NOD2: variants seen among roughly 807,000 people sequenced by gnomAD.
NOD2 encodes the protein nucleotide binding oligomerization domain containing 2, also known as nucleotide-binding oligomerization domain-containing protein 2.
In NOD2, 86 loss-of-function variants were observed where a neutral mutation model predicts 90.9. That is an observed-to-expected ratio of 0.95 (90% confidence interval 0.79 to 1.13). The LOEUF is 1.13. Ranked by LOEUF, NOD2 falls within the 50% of genes most tolerant of loss-of-function variation. The pLI is 0.00. For synonymous variants in NOD2, 581 were observed against 554.6 expected (o/e 1.05, Z -0.67); for missense variants, 1,238 against 1,283.8 (o/e 0.96, Z 0.55).
intron 1 of NOD2, among the ~76,000 whole-genome samples, chr16:50,698,301 C>T (rs1486395230): frequency 2.0e-5 from 3 of 152,168 alleles, no homozygotes; most frequent in Admixed American, 6.5e-5. Flanking sequence ...ATTCCCAGAA[C>T]GCACAGCAGG....
intron 10 of NOD2, among the ~76,000 whole-genome samples, chr16:50,725,817 A>G (rs2150837305): frequency 6.6e-6 from 1 of 152,212 alleles, no homozygotes; most frequent in Middle Eastern, 3.4e-3. Context: ...AATAAAGGGG[A>G]GTTATCAAGC....
At chr16:50,728,926 G>A (rs904489820) in intron 10 of NOD2, 1 of 152,884 alleles carries the variant, frequency 6.5e-6, no homozygotes, top group East Asian at 1.9e-4. Flanking sequence ...TATCAATTAA[G>A]TACTGTATTA....
At chr16:50,709,153 G>C (rs147998582) in intron 3 of NOD2, among the ~76,000 whole-genome samples, 15 of 152,232 alleles carry the variant, frequency 9.9e-5, no homozygotes, top group African/African-American at 3.1e-4. Flanking sequence ...GTACTGGAGA[G>C]GAAGATATCT....
intron 3 of NOD2, among the ~76,000 whole-genome samples, chr16:50,709,369 A>G (rs1374310639): frequency 1.3e-5 from 2 of 152,160 alleles, no homozygotes; most frequent in African/African-American, 4.8e-5. Flanking sequence ...GGTTGGGGGC[A>G]GTGAGGCTGT....
intron 10 of NOD2, among the ~76,000 whole-genome samples, chr16:50,726,839 G>A (rs968690727): frequency 6.6e-6 from 1 of 152,216 alleles, no homozygotes; most frequent in African/African-American, 2.4e-5. Flanking sequence ...TCTGCCAAGA[G>A]TTGGTTGAGA....
intron 6 of NOD2, among the ~76,000 whole-genome samples, chr16:50,718,716 C>G (rs542743620): frequency 6.6e-6 from 1 of 152,318 alleles, no homozygotes; most frequent in South Asian, 2.1e-4. Context: ...GGCTACCTCA[C>G]AGGCTGTAGT....
At position 50,699,470 on chromosome 16, in the gene NOD2, C is replaced by A; in HGVS notation, c.-8-18C>A. The A allele has an allele frequency of 6.2e-7, 1 of 1,610,052 alleles. No homozygotes were observed. Among genetic ancestry groups the A allele is most frequent in the Non-Finnish European group, 8.5e-7 (1 of 1,177,840 alleles). ...GGCTTCTGGAGAAGTCCCGCACTGA[C>A]CTTGTTCTCCTCCCCAGGTTGTGAA... On this transcript the variant is annotated intron_variant, in intron 1 of 11. Coordinates refer to ENST00000647318, the MANE Select transcript of NOD2 (RefSeq NM_001370466.1).
At position 50,719,893 on chromosome 16, in the gene NOD2, GTT is replaced by G. The variant is rs1596892616; in HGVS notation, c.2550-31_2550-30del. 31 of 1,600,768 alleles carry G rather than the reference GTT, an allele frequency of 1.9e-5. No individual in the cohort carries two copies. In the East Asian group the frequency reaches 6.9e-4, roughly 36 times the overall value. On this transcript the variant is annotated intron_variant, in intron 6 of 11. Coordinates refer to ENST00000647318, the MANE Select transcript of NOD2 (RefSeq NM_001370466.1). The stretch of plus-strand genomic sequence containing the variant: ...GCCCTCCTTTTCTGCCTGCCGCTGT[GTT>G]CTCTCAGCCTCCTCTGTCTTCCCTT...
intron 11 of NOD2, among the ~76,000 whole-genome samples, chr16:50,731,314 T>C (rs989189159): frequency 6.6e-6 from 1 of 152,208 alleles, no homozygotes; most frequent in African/African-American, 2.4e-5. Flanking sequence ...TTTGAAACCA[T>C]TGCACAGTCC....
intron 6 of NOD2, among the ~76,000 whole-genome samples, chr16:50,718,085 G>A (rs1404902805): frequency 6.6e-6 from 1 of 152,244 alleles, no homozygotes; most frequent in Non-Finnish European, 1.5e-5. Flanking sequence ...CTATGTGAAT[G>A]TGGACTCTCT....
intron 3 of NOD2, chr16:50,709,986 G>A (rs1360409782): frequency 2.2e-6 from 1 of 456,056 alleles, no homozygotes; most frequent in Non-Finnish European, 4.4e-6. Context: ...GCTTGCCCAA[G>A]TGTATGGTGG....
intron 1 of NOD2, among the ~76,000 whole-genome samples, chr16:50,699,280 C>T (rs968116926): frequency 6.6e-6 from 1 of 152,092 alleles, no homozygotes; most frequent in Non-Finnish European, 1.5e-5. Flanking sequence ...TTGGTTGCTT[C>T]AAACTCTGTG....
chr16:50,728,567 A>G (rs945661293), intron 10 of NOD2: 2 of 157,386 alleles, frequency 1.3e-5, no homozygotes, highest in Non-Finnish European at 2.8e-5. Context: ...AATGTATTCC[A>G]ATATCAAATG....
In NOD2 at chr16:50,699,540, C is replaced by T. The variant is rs766815592; in HGVS notation, c.45C>T (p.Val15=). 56 of 1,613,776 alleles carry T rather than the reference C, an allele frequency of 3.5e-5. No individual in the cohort carries two copies. The Admixed American group carries it at 3.8e-4, about 11-fold the overall frequency. The change falls in exon 2 of 12, where the codon GTC becomes GTT. Residue 15 remains valine, a synonymous_variant. Transcript: ENST00000647318. ...TTCAGGCACAGAGGAGCCAGCTGGT[C>T]GAGCTGCTGGTCTCAGGGTCCCTGG... is the stretch of plus-strand genomic sequence containing the variant. The part of the protein sequence containing the change: ...EAFQAQRSQL[V]ELLVSGSLEG...
intron 8 of NOD2, 120 bp downstream of exon 8, chr16:50,722,825 T>A: frequency 2.1e-6 from 2 of 942,496 alleles, no homozygotes; most frequent in Admixed American, 1.8e-5. Context: ...GGCAATGGAG[T>A]AAGGAAAAAA....
At chr16:50,729,944 G>T in intron 11 of NOD2, 43 bp downstream of exon 11, 1 of 1,457,062 alleles carries the variant, frequency 6.9e-7, no homozygotes, top group Middle Eastern at 1.8e-4. Context: ...CCGAACCTCA[G>T]TTTTTCTATC....
At chr16:50,703,389 C>G (rs566714527) in intron 2 of NOD2, among the ~76,000 whole-genome samples, 1 of 152,274 alleles carries the variant, frequency 6.6e-6, no homozygotes, top group African/African-American at 2.4e-5. Flanking sequence ...CCTTTAATCC[C>G]AGTACTTTGG....
At chr16:50,701,071 G>A (rs1242449977) in intron 2 of NOD2, among the ~76,000 whole-genome samples, 2 of 152,226 alleles carry the variant, frequency 1.3e-5, no homozygotes, top group African/African-American at 2.4e-5. Context: ...TTGAGACCAA[G>A]GAAAGTAGTT....
chr16:50,722,766 G>T, intron 8 of NOD2, 61 bp downstream of exon 8: 1 of 1,477,850 alleles, frequency 6.8e-7, no homozygotes, highest in African/African-American at 1.4e-5. Context: ...GGGAGGAGCT[G>T]GGGCCAGTTC....
Sources: allele counts gnomAD v4.1 joint callset (sites outside exome capture counted in the v4.1 genomes callset), GRCh38; gene constraint gnomAD v4.1.1; transcripts MANE v1.5; gene names NCBI Gene and HGNC (gene_info 2026-07-23, HGNC 2026-07-21).